Variants in FMO4 observed in about 807,000 individuals in gnomAD.
FMO4 encodes dimethylaniline monooxygenase [N-oxide-forming] 4.
Under a neutral mutation model 43.3 loss-of-function variants are expected in FMO4, and 38 were observed. The ratio of observed to expected loss-of-function variants is 0.88; its 90% CI spans 0.68 to 1.15. The LOEUF (loss-of-function observed/expected upper bound fraction) is 1.15, where lower values mean the gene tolerates loss of function less well. Among genes scored for constraint, FMO4 ranks in the 50% most tolerant of loss-of-function variants. The pLI is 0.00. For synonymous variants in FMO4, 224 were observed against 232.2 expected, an observed-to-expected ratio of 0.96 and a Z score of 0.32; for missense variants, 631 against 663.3, an observed-to-expected ratio of 0.95 and a Z score of 0.54.
At position 171,316,272 on chromosome 1, in the gene FMO4, G is replaced by C. The variant is rs1360110335; in HGVS notation, c.-64G>C. 1 of 152,140 alleles carries C rather than the reference G, an allele frequency of 6.6e-6. No individual in the cohort carries two copies. The highest frequency in any genetic ancestry group is 2.4e-5 in the African/African-American group (1 of 41,430). 9.4% of individuals were successfully genotyped at this position (152,140 alleles called of 1,614,324 possible). A position where few individuals can be genotyped will look rare whatever the true frequency, so the allele number is the denominator to read the frequency against. On this transcript the variant is annotated 5_prime_UTR_variant, in exon 2 of 10. Transcript: ENST00000367749. Reference sequence around the variant, plus strand: ...GTATTCTTATTGGTGGAGGCCATTTGTTTCTGATTAGAAGCTGTCTAAACC... The same window carrying C: ...GTATTCTTATTGGTGGAGGCCATTTCTTTCTGATTAGAAGCTGTCTAAACC...
At chr1:171,321,899 T>C (rs763485354) in intron 3 of FMO4, among the ~76,000 whole-genome samples, 1 of 152,198 alleles carries the variant, frequency 6.6e-6, no homozygotes, top group Non-Finnish European at 1.5e-5. Context: ...AGCTACCTTA[T>C]GCAGCGCTGT....
chr1:171,320,153 G>C (rs536710349), intron 3 of FMO4, among the ~76,000 whole-genome samples, 196 bp downstream of exon 3: 2 of 152,270 alleles, frequency 1.3e-5, no homozygotes, highest in South Asian at 2.1e-4. Flanking sequence ...GCGCAGACTC[G>C]GGTCAGGGAC....
chr1:171,342,015 C>T lies in FMO4; in HGVS notation c.*176C>T, dbSNP rs45438496. The T allele has an allele frequency of 2.1e-3, 1,238 of 582,118 alleles. 15 individuals carry two copies. In the African/African-American group the frequency reaches 0.022, roughly 10 times the overall value. The allele number at this position is 582,118 out of a possible 1,614,324, so 36.1% of individuals were successfully genotyped here. Reference sequence around the variant, plus strand: ...TTTTCAGTACCCTCTTTCTTGCCACCCTTTCCAATGCATCTTCTACCCTGC... The same window carrying T: ...TTTTCAGTACCCTCTTTCTTGCCACTCTTTCCAATGCATCTTCTACCCTGC... On this transcript the variant is annotated 3_prime_UTR_variant, in exon 10 of 10. Transcript: ENST00000367749.
intron 8 of FMO4, among the ~76,000 whole-genome samples, chr1:171,336,251 G>A (rs139964405): frequency 3.1e-3 from 466 of 152,202 alleles, no homozygotes; most frequent in Non-Finnish European, 4.3e-3. Context: ...GCCTGAGGTG[G>A]ATAGGGACAG....
intron 8 of FMO4, 35 bp downstream of exon 8, chr1:171,334,798 T>A: frequency 7.7e-7 from 1 of 1,298,710 alleles, no homozygotes; most frequent in Middle Eastern, 1.9e-4. Context: ...TCTCTTTGGA[T>A]CGTAAAATTG....
rs116583620 is a variant in FMO4, at chr1:171,318,703, G to A, written c.-8-1115G>A. 8.1e-3 allele frequency among the ~76,000 whole-genome samples: 1,202 copies of A among 148,352 alleles called. 21 individuals are homozygous for A. The highest frequency in any genetic ancestry group is 0.026 in the African/African-American group (1,080 of 41,322). On this transcript the variant is annotated intron_variant, in intron 2 of 9. Coordinates refer to ENST00000367749, the MANE Select transcript of FMO4 (RefSeq NM_002022.3). ...ATTTGGGGGTTTGGGCTGCTCAACCGGTAATAGCTAAATTTAGTTGAGCAC... is the reference window on the plus strand; with the variant it reads ...ATTTGGGGGTTTGGGCTGCTCAACCAGTAATAGCTAAATTTAGTTGAGCAC...
At position 171,341,571 on chromosome 1, in the gene FMO4, A is replaced by G; in HGVS notation, c.1409A>G (p.Gln470Arg). ...EVFFGPCTPY[Q>R]YRLMGPGKWD... ...TTCTTTGGACCATGTACTCCTTATC[A>G]GTACCGCCTCATGGGCCCTGGAAAA... The change falls in exon 10 of 10, where the codon CAG becomes CGG. Residue 470 changes from glutamine (Q) to arginine (R), a missense_variant. By Grantham distance (43) the Gln-to-Arg change is conservative (BLOSUM62 1). Coordinates refer to ENST00000367749, the MANE Select transcript of FMO4 (RefSeq NM_002022.3). 1 of 1,614,056 alleles carries G rather than the reference A, an allele frequency of 6.2e-7. No homozygotes were observed. Among genetic ancestry groups the G allele is most frequent in the South Asian group, 1.1e-5 (1 of 91,084 alleles).
chr1:171,325,170 A>T (rs948919514), intron 5 of FMO4, among the ~76,000 whole-genome samples: 1 of 152,232 alleles, frequency 6.6e-6, no homozygotes, highest in Non-Finnish European at 1.5e-5. Flanking sequence ...TATCCATAGA[A>T]AGGAGTTTTA....
intron 9 of FMO4, among the ~76,000 whole-genome samples, chr1:171,337,977 T>C (rs1396143530): frequency 6.6e-6 from 1 of 152,074 alleles, no homozygotes; most frequent in East Asian, 1.9e-4. Flanking sequence ...CTTAGATATT[T>C]AATAGGCGTC....
intron 3 of FMO4, among the ~76,000 whole-genome samples, chr1:171,322,672 G>A (rs1191431399): frequency 1.3e-5 from 2 of 152,090 alleles, no homozygotes; most frequent in Admixed American, 1.3e-4. Context: ...GGCCAACATG[G>A]TGAAATCCCA....
intron 2 of FMO4, among the ~76,000 whole-genome samples, chr1:171,319,313 TCTC>T (rs1662314026): frequency 6.6e-6 from 1 of 152,150 alleles, no homozygotes; most frequent in South Asian, 2.1e-4. Context: ...AAACACTCCT[TCTC>T]TTCTCTCCTT....
chr1:171,341,691 C>T lies in FMO4; in HGVS notation c.1529C>T (p.Ser510Phe). 2 of 1,613,950 alleles carry T rather than the reference C, an allele frequency of 1.2e-6. No homozygotes were observed. The change falls in exon 10 of 10, where the codon TCC becomes TTC. Residue 510 changes from serine (S) to phenylalanine (F), a missense_variant. By Grantham distance (155) the Ser-to-Phe change is radical. Transcript: ENST00000367749. ...RIVPDSSKPA[S>F]MSHYLKAWGA... ...GTCCCTGATTCCTCCAAGCCTGCCT[C>T]CATGTCACATTATTTAAAAGCCTGG...
intron 4 of FMO4, 35 bp downstream of exon 4, chr1:171,323,227 G>A: frequency 7.1e-7 from 1 of 1,406,558 alleles, no homozygotes. Context: ...ATGAATAGAT[G>A]GGGGCTGGCC....
At position 171,334,663 on chromosome 1, in the gene FMO4, A is replaced by T. The variant is rs1211785229; in HGVS notation, c.1080A>T (p.Leu360=). 6.2e-7 allele frequency: 1 copy of T among 1,613,864 alleles called. No homozygotes were observed. Among genetic ancestry groups the T allele is most frequent in the Non-Finnish European group, 8.5e-7 (1 of 1,179,796 alleles). The change falls in exon 8 of 10, where the codon CTA becomes CTT. Residue 360 remains leucine (L), a synonymous_variant. Coordinates refer to ENST00000367749, the MANE Select transcript of FMO4 (RefSeq NM_002022.3). The stretch of plus-strand genomic sequence containing the variant: ...ACAAGCAAGTCTTTCCCTTAAACCT[A>T]GAGAGAGCGACATTAGCCATCATCG... ...FLYKQVFPLN[L]ERATLAIIGL...
At chr1:171,325,772 G>GT (rs1354630339) in intron 5 of FMO4, among the ~76,000 whole-genome samples, 1 of 91,442 alleles carries the variant, frequency 1.1e-5, no homozygotes, top group East Asian at 4.5e-4. Context: ...GTTTGGGATT[G>GT]TTTACCCTTT....
intron 2 of FMO4, among the ~76,000 whole-genome samples, chr1:171,317,262 A>T (rs562887475): frequency 1.4e-4 from 21 of 152,336 alleles, no homozygotes; most frequent in African/African-American, 4.8e-4. Flanking sequence ...CACTGTGATA[A>T]GTGACATGAG....
In FMO4 at chr1:171,323,141, T is replaced by A; in HGVS notation, c.270T>A (p.Tyr90Ter). Residue 90 changes from tyrosine to a stop codon, truncating the protein, a stop_gained, in exon 4 of 10, where the codon TAT (tyrosine) becomes TAA (stop). Transcript: ENST00000367749. LOFTEE classifies it high-confidence loss of function. ...TGAACCATGAAAAATTTTGGGACTA[T>A]CTCCAAGAATTTGCTGAGCACTTTG... Reference protein sequence around the residue: ...NFMNHEKFWDYLQEFAEHFDL... With the variant: ...NFMNHEKFWD 6.2e-7 allele frequency: 1 copy of A among 1,613,820 alleles called. No homozygotes were observed. Among genetic ancestry groups the A allele is most frequent in the Non-Finnish European group, 8.5e-7 (1 of 1,179,788 alleles).
intron 5 of FMO4, among the ~76,000 whole-genome samples, chr1:171,330,912 CAA>C (rs1433958721): frequency 6.6e-6 from 1 of 152,144 alleles, no homozygotes; most frequent in East Asian, 1.9e-4. Context: ...CAATCAGAAA[CAA>C]GAGTAAATAA....
intron 3 of FMO4, among the ~76,000 whole-genome samples, chr1:171,322,591 G>A (rs1662479528): frequency 6.6e-6 from 1 of 152,132 alleles, no homozygotes; most frequent in Admixed American, 6.5e-5. Flanking sequence ...AGTGGCTCAT[G>A]CCTGTAATCC....
Sources: allele counts gnomAD v4.1 joint callset (sites outside exome capture counted in the v4.1 genomes callset), GRCh38; gene constraint gnomAD v4.1.1; transcripts MANE v1.5; gene names NCBI Gene and HGNC (gene_info 2026-07-23, HGNC 2026-07-21).